Variants in MAN2A1 observed in about 807,000 individuals in gnomAD.
MAN2A1 encodes the protein mannosidase alpha class 2A member 1, also known as alpha-mannosidase 2.
MAN2A1 carries 76 observed loss-of-function variants against 142.6 expected under a neutral mutation model. The ratio of observed to expected loss-of-function variants is 0.53; its 90% CI spans 0.44 to 0.65. MAN2A1 has a LOEUF of 0.65. Ranked by LOEUF, MAN2A1 falls within the 30% of genes least tolerant of loss-of-function variation. The pLI, the probability that MAN2A1 is intolerant of heterozygous loss-of-function variation, is 0.00. For synonymous variants in MAN2A1, 559 were observed against 473.2 expected (o/e 1.18, Z -2.35); for missense variants, 1,311 against 1,365.1 (o/e 0.96, Z 0.62).
At chr5:109,813,094 T>A (rs907424993) in intron 12 of MAN2A1, among the ~76,000 whole-genome samples, 1 of 152,220 alleles carries the variant, frequency 6.6e-6, no homozygotes, top group African/African-American at 2.4e-5. Flanking sequence ...GCTTACTTCA[T>A]GCAGTGAGGT....
At chr5:109,762,083 A>T (rs1199694030) in intron 5 of MAN2A1, among the ~76,000 whole-genome samples, 1 of 152,168 alleles carries the variant, frequency 6.6e-6, no homozygotes, top group Non-Finnish European at 1.5e-5. Context: ...ATAACATTAT[A>T]GCATTCTGGA....
At chr5:109,814,577 A>G (rs976979323) in intron 12 of MAN2A1, among the ~76,000 whole-genome samples, 1 of 152,150 alleles carries the variant, frequency 6.6e-6, no homozygotes, top group East Asian at 1.9e-4. Context: ...CTCATTATAT[A>G]CTCTACACAT....
At chr5:109,806,407 T>C (rs1433449450) in intron 12 of MAN2A1, among the ~76,000 whole-genome samples, 1 of 152,208 alleles carries the variant, frequency 6.6e-6, no homozygotes. Flanking sequence ...TGCTAGCTGT[T>C]GGTATTATTA....
intron 4 of MAN2A1, among the ~76,000 whole-genome samples, chr5:109,739,095 G>A (rs934728366): frequency 6.6e-6 from 1 of 152,242 alleles, no homozygotes; most frequent in Admixed American, 6.5e-5. Flanking sequence ...ACCTGCCTCA[G>A]CCTCCCAAAG....
intron 8 of MAN2A1, among the ~76,000 whole-genome samples, chr5:109,780,718 C>T (rs1192741949): frequency 1.3e-5 from 2 of 152,116 alleles, no homozygotes; most frequent in South Asian, 2.1e-4. Flanking sequence ...CTCATAAAAA[C>T]GAATTTCTTA....
At chr5:109,843,159 G>A (rs1000358070) in intron 17 of MAN2A1, among the ~76,000 whole-genome samples, 2 of 152,138 alleles carry the variant, frequency 1.3e-5, no homozygotes, top group Admixed American at 6.5e-5. Context: ...CCAAGACTGG[G>A]TAATTTATAA....
intron 20 of MAN2A1, among the ~76,000 whole-genome samples, chr5:109,860,191 A>G (rs1755720318): frequency 6.6e-6 from 1 of 152,072 alleles, no homozygotes; most frequent in African/African-American, 2.4e-5. Context: ...AAAGGTGAAA[A>G]TTGTGAGAAA....
At chr5:109,823,978 T>C in intron 16 of MAN2A1, 141 bp downstream of exon 16, 1 of 500,754 alleles carries the variant, frequency 2.0e-6, no homozygotes. Flanking sequence ...TGATTTAAAA[T>C]ATGAAACTTA....
intron 5 of MAN2A1, among the ~76,000 whole-genome samples, chr5:109,756,125 G>A (rs1016009491): frequency 2.6e-5 from 4 of 152,052 alleles, no homozygotes; most frequent in Middle Eastern, 3.2e-3. Context: ...GGTCTTGGGG[G>A]AAAGGGAATT....
At chr5:109,724,474 A>G (rs2112576698) in intron 3 of MAN2A1, among the ~76,000 whole-genome samples, 1 of 152,322 alleles carries the variant, frequency 6.6e-6, no homozygotes, top group Middle Eastern at 3.4e-3. Flanking sequence ...TCTGTTTTTA[A>G]TGAACTTTAT....
At chr5:109,820,980 T>C (rs1239912521) in intron 15 of MAN2A1, among the ~76,000 whole-genome samples, 1 of 152,208 alleles carries the variant, frequency 6.6e-6, no homozygotes, top group Non-Finnish European at 1.5e-5. Context: ...GATTTTCCAC[T>C]GGACCATTTT....
chr5:109,690,659 G>T, intron 1 of MAN2A1, 107 bp downstream of exon 1: 1 of 1,266,402 alleles, frequency 7.9e-7, no homozygotes. Context: ...CCACACCCGT[G>T]CTGGGCGAGG....
At chr5:109,747,872 C>T (rs966748591) in intron 4 of MAN2A1, among the ~76,000 whole-genome samples, 1 of 152,174 alleles carries the variant, frequency 6.6e-6, no homozygotes, top group African/African-American at 2.4e-5. Flanking sequence ...TACCATTTTA[C>T]ATCCCACCAG....
intron 4 of MAN2A1, among the ~76,000 whole-genome samples, chr5:109,751,745 T>C (rs963372029): frequency 5.3e-5 from 8 of 152,166 alleles, no homozygotes; most frequent in Admixed American, 1.3e-4. Flanking sequence ...TACTCTTCTC[T>C]AGACTGTTTC....
intron 8 of MAN2A1, among the ~76,000 whole-genome samples, chr5:109,778,302 A>G (rs1310230870): frequency 6.6e-6 from 1 of 152,078 alleles, no homozygotes; most frequent in Non-Finnish European, 1.5e-5. Flanking sequence ...TGGATTTCCT[A>G]TATATGAGTA....
chr5:109,736,988 G>T (rs1752119079), intron 4 of MAN2A1, among the ~76,000 whole-genome samples: 1 of 150,112 alleles, frequency 6.7e-6, no homozygotes, highest in Non-Finnish European at 1.5e-5. Flanking sequence ...ACTTAGGTAT[G>T]TTAGAAAAAT....
chr5:109,774,042 C>T (rs1045293390), intron 7 of MAN2A1, among the ~76,000 whole-genome samples: 1 of 152,046 alleles, frequency 6.6e-6, no homozygotes, highest in Non-Finnish European at 1.5e-5. Context: ...GGACATTCTG[C>T]AGAATACTAT....
intron 13 of MAN2A1, 31 bp downstream of exon 13, chr5:109,817,469 A>C (rs766847037): frequency 1.2e-6 from 2 of 1,606,454 alleles, no homozygotes; most frequent in South Asian, 2.2e-5. Flanking sequence ...TTAAGGAGGC[A>C]TTGTAAAACA....
At chr5:109,729,260 C>T in intron 3 of MAN2A1, 82 bp from the exon 4 acceptor site, 1 of 832,198 alleles carries the variant, frequency 1.2e-6, no homozygotes, top group Non-Finnish European at 1.9e-6. Context: ...TAACGATGTC[C>T]AAAGTAATGC....
Sources: gnomAD v4.1 joint callset for allele counts (sites outside exome capture counted in the v4.1 genomes callset) on GRCh38, gnomAD v4.1.1 for gene constraint, MANE v1.5 for transcripts, NCBI Gene and HGNC (gene_info 2026-07-23, HGNC 2026-07-21) for gene names.